The following NPAP1 variants were observed in gnomAD, a reference collection of about 807,000 sequenced individuals.
The protein encoded by NPAP1 is nuclear pore associated protein 1, also known as nuclear pore-associated protein 1.
For synonymous variants in NPAP1, 616 were observed against 581.4 expected, an observed-to-expected ratio of 1.06 and a Z score of -0.86; for missense variants, 1,483 against 1,454.5, an observed-to-expected ratio of 1.02 and a Z score of -0.32.
chr15:24,675,848 G>C lies in NPAP1; in HGVS notation c.-20G>C. ...CCACTGCTGACCCTGTTTTACGGTA[G>C]GAGGCACGGCTAGCTCTAAATGGGC... On this transcript the variant is annotated 5_prime_UTR_variant, in exon 1 of 1. Coordinates refer to ENST00000329468, the MANE Select transcript of NPAP1 (RefSeq NM_018958.3). 6.7e-7 allele frequency: 1 copy of C among 1,484,810 alleles called. No homozygotes were observed. Among genetic ancestry groups the C allele is most frequent in the East Asian group, 2.5e-5 (1 of 39,972 alleles). 92.0% of individuals were successfully genotyped at this position (1,484,810 alleles called of 1,614,324 possible). A position where few individuals can be genotyped will look rare whatever the true frequency, so the allele number is the denominator to read the frequency against.
rs2049000672 is a variant in NPAP1, at chr15:24,679,149, T to C, written c.3282T>C (p.Pro1094=). 1 of 1,614,084 alleles carries C rather than the reference T, an allele frequency of 6.2e-7. No homozygotes were observed. Among genetic ancestry groups the C allele is most frequent in the Non-Finnish European group, 8.5e-7 (1 of 1,180,046 alleles). The stretch of plus-strand genomic sequence containing the variant: ...CCTACATTCCTGGTTTAGACCCACC[T>C]ACCCAGAATTCATGCAGTGGTATGG... ...AAAYIPGLDP[P]TQNSCSGMGG... Residue 1094 remains proline, a synonymous_variant, in exon 1 of 1, where the codon CCT becomes CCC. Transcript: ENST00000329468.
Position 24,677,796 on chromosome 15 carries a change from C to T in NPAP1, c.1929C>T (p.Ala643=), listed in dbSNP as rs1344994835. ...PSFNQLFGKE[A]TPQPKFEAPD... ...TTAACCAACTCTTTGGAAAAGAAGC[C>T]ACCCCTCAGCCCAAATTTGAGGCTC... is the stretch of plus-strand genomic sequence containing the variant. The change falls in exon 1 of 1, where the codon GCC becomes GCT. Residue 643 remains alanine (A), a synonymous_variant. Transcript: ENST00000329468. 2 of 1,613,984 alleles carry T rather than the reference C, an allele frequency of 1.2e-6. No individual in the cohort carries two copies. Among genetic ancestry groups the T allele is most frequent in the Non-Finnish European group, 1.7e-6 (2 of 1,180,040 alleles).
rs2141311915 is a variant in NPAP1, at chr15:24,678,129, G to A, written c.2262G>A (p.Arg754=). 1 of 1,612,494 alleles carries A rather than the reference G, an allele frequency of 6.2e-7. No individual in the cohort carries two copies. Residue 754 remains arginine (R), a synonymous_variant, in exon 1 of 1, where the codon AGG becomes AGA. Coordinates refer to ENST00000329468, the MANE Select transcript of NPAP1 (RefSeq NM_018958.3). ...CCAGTTTGCCTGCACAGTCAGTCAGGGCACCAGCTACAGCTTCCAACCATC... is the reference window on the plus strand; with the variant it reads ...CCAGTTTGCCTGCACAGTCAGTCAGAGCACCAGCTACAGCTTCCAACCATC... ...GSTSLPAQSV[R]APATASNHPL...
chr15:24,679,595 G>T lies in NPAP1; in HGVS notation c.*257G>T. 1 of 491,666 alleles carries T rather than the reference G, an allele frequency of 2.0e-6. No homozygotes were observed. The highest frequency in any genetic ancestry group is 2.6e-5 in the South Asian group (1 of 38,268). 30.5% of individuals were successfully genotyped at this position (491,666 alleles called of 1,614,324 possible). The stretch of plus-strand genomic sequence containing the variant: ...AATGGCAACATATCTTTAATTAGAG[G>T]CCCTTGTGTATCCACCTACCAACAA... On this transcript the variant is annotated 3_prime_UTR_variant, in exon 1 of 1. Coordinates refer to ENST00000329468, the MANE Select transcript of NPAP1 (RefSeq NM_018958.3).
In NPAP1 at chr15:24,677,063, C is replaced by A. The variant is rs754053840; in HGVS notation, c.1196C>A (p.Pro399His). ...MTNSSITQPA[P>H]SFSQPVQTTD... is the part of the protein sequence containing the mutation. ...AACAGCAGCATCACCCAGCCTGCCC[C>A]TTCTTTCTCCCAACCTGTGCAGACC... Residue 399 changes from proline to histidine, a missense_variant, in exon 1 of 1, where the codon CCT becomes CAT. Physicochemically the swap from Pro to His is moderately conservative, Grantham distance 77. Coordinates refer to ENST00000329468, the MANE Select transcript of NPAP1 (RefSeq NM_018958.3). 6.2e-7 allele frequency: 1 copy of A among 1,614,066 alleles called. No homozygotes were observed. The highest frequency in any genetic ancestry group is 8.5e-7 in the Non-Finnish European group (1 of 1,180,024).
In NPAP1 at chr15:24,676,724, C is replaced by G. The variant is rs1370496022; in HGVS notation, c.857C>G (p.Pro286Arg). The change falls in exon 1 of 1, where the codon CCG (proline) becomes CGG (arginine). Residue 286 changes from proline to arginine, a missense_variant. Physicochemically the swap from Pro to Arg is moderately radical, Grantham distance 103. Coordinates refer to ENST00000329468, the MANE Select transcript of NPAP1 (RefSeq NM_018958.3). ...GCGGAAGTGCTGAATGAAGAGCCAC[C>G]GCCCAGCTCCCTAGGCTTGCCGATT... ...LAAEVLNEEPPPSSLGLPIPL... is the reference protein window; with the variant it reads ...LAAEVLNEEPRPSSLGLPIPL... 6.2e-7 allele frequency: 1 copy of G among 1,614,028 alleles called. No homozygotes were observed. Among genetic ancestry groups the G allele is most frequent in the Non-Finnish European group, 8.5e-7 (1 of 1,180,042 alleles).
the NPAP1 span, chr15:24,679,274 C>G: frequency 1.2e-6 from 2 of 1,614,034 alleles, no homozygotes. Context: ...TTCTACACTT[C>G]AAGCACCCAC....
rs776640672 is a variant in NPAP1, at chr15:24,677,359, C to A, written c.1492C>A (p.Pro498Thr). The A allele has an allele frequency of 6.2e-7, 1 of 1,613,996 alleles. No individual in the cohort carries two copies. The highest frequency in any genetic ancestry group is 1.1e-5 in the South Asian group (1 of 91,058). ...VGAAPLTSDP[P>T]TPPSSTPSFK... ...AGCAGCGCCTCTCACTTCTGACCCC[C>A]CAACACCTCCTAGCTCCACACCCTC... Residue 498 changes from proline to threonine, a missense_variant, in exon 1 of 1, where the codon CCA becomes ACA. Pro to Thr is a conservative substitution (Grantham distance 38). Transcript: ENST00000329468.
chr15:24,681,653 A>C lies in NPAP1; in HGVS notation c.*2315A>C, dbSNP rs919233579. The stretch of plus-strand genomic sequence containing the variant: ...AGCCAGGAAAAGAGTCCTCACAAGA[A>C]ACAGAATTTGTCTTTATCTTGGACT... On this transcript the variant is annotated 3_prime_UTR_variant, in exon 1 of 1. Coordinates refer to ENST00000329468, the MANE Select transcript of NPAP1 (RefSeq NM_018958.3). 4.8e-5 allele frequency: 8 copies of C among 167,086 alleles called. No individual in the cohort carries two copies. Among genetic ancestry groups the C allele is most frequent in the Non-Finnish European group, 1.2e-4 (8 of 68,124 alleles). The allele number at this position is 167,086 out of a possible 1,614,324, so 10.4% of individuals were successfully genotyped here.
rs2048992053 is a variant in NPAP1 at position 24,678,348 on chromosome 15, C to T, written c.2481C>T (p.Thr827=). 4 of 1,614,040 alleles carry T rather than the reference C, an allele frequency of 2.5e-6. No homozygotes were observed. The highest frequency in any genetic ancestry group is 2.5e-6 in the Non-Finnish European group (3 of 1,180,028). Residue 827 remains threonine, a synonymous_variant, in exon 1 of 1, where the codon ACC becomes ACT. Transcript: ENST00000329468. The part of the protein sequence containing the change: ...KPAIDTSDMN[T]TPPSKTVILQ... ...CCATTGACACCAGTGACATGAATAC[C>T]ACCCCTCCTTCCAAAACTGTCATCT...
rs201294900 is a variant in NPAP1 at position 24,677,937 on chromosome 15, A to C, written c.2070A>C (p.Ser690=). The C allele has an allele frequency of 6.2e-7, 1 of 1,613,006 alleles. No homozygotes were observed. The highest frequency in any genetic ancestry group is 2.2e-5 in the East Asian group (1 of 44,792). Residue 690 remains serine, a synonymous_variant, in exon 1 of 1, where the codon TCA becomes TCC. Coordinates refer to ENST00000329468, the MANE Select transcript of NPAP1 (RefSeq NM_018958.3). ...TGAACAGTGCCTCTACAGCATCATC[A>C]TCCAAACCTCCCATTGAAACCAATG... is the stretch of plus-strand genomic sequence containing the variant. ...TLVNSASTAS[S]SKPPIETNAM... is the part of the protein sequence containing the mutation.
In NPAP1 at chr15:24,679,487, G is replaced by T; in HGVS notation, c.*149G>T. ...GAACTCAGGTTGTGCACCAGGAGGGGACAACAACATCCCTGTGCTCCCTTT... is the reference window on the plus strand; with the variant it reads ...GAACTCAGGTTGTGCACCAGGAGGGTACAACAACATCCCTGTGCTCCCTTT... On this transcript the variant is annotated 3_prime_UTR_variant, in exon 1 of 1. Coordinates refer to ENST00000329468, the MANE Select transcript of NPAP1 (RefSeq NM_018958.3). 1.5e-6 allele frequency: 1 copy of T among 649,014 alleles called. No homozygotes were observed. The highest frequency in any genetic ancestry group is 2.7e-6 in the Non-Finnish European group (1 of 364,750). 40.2% of individuals were successfully genotyped at this position (649,014 alleles called of 1,614,324 possible).
chr15:24,678,501 G>A lies in NPAP1; in HGVS notation c.2634G>A (p.Gln878=), dbSNP rs2141312761. 6.2e-7 allele frequency: 1 copy of A among 1,614,210 alleles called. No homozygotes were observed. The highest frequency in any genetic ancestry group is 8.5e-7 in the Non-Finnish European group (1 of 1,180,046). The change falls in exon 1 of 1, where the codon CAG becomes CAA. Residue 878 remains glutamine (Q), a synonymous_variant. Transcript: ENST00000329468. ...AAGTCTCCACCAGTTTTCCTGCACA[G>A]GCAGATAGGAGACCAACCACAACTT... ...SAQVSTSFPA[Q]ADRRPTTTSS...
chr15:24,676,808 G>T lies in NPAP1; in HGVS notation c.941G>T (p.Ser314Ile). The stretch of plus-strand genomic sequence containing the variant: ...AAGCCTTTCTGTATTCCTCCAAGGA[G>T]CGCTGCTCCTCCCAGAGCTGCCCGC... ...DEKPFCIPPRSAAPPRAARNR... is the reference protein window; with the variant it reads ...DEKPFCIPPRIAAPPRAARNR... The change falls in exon 1 of 1, where the codon AGC becomes ATC. Residue 314 changes from serine to isoleucine, a missense_variant. Ser to Ile is a moderately radical substitution (Grantham distance 142, BLOSUM62 -2). Transcript: ENST00000329468. 1 of 1,613,168 alleles carries T rather than the reference G, an allele frequency of 6.2e-7. No individual in the cohort carries two copies. Among genetic ancestry groups the T allele is most frequent in the Non-Finnish European group, 8.5e-7 (1 of 1,180,002 alleles).
In NPAP1 at chr15:24,679,236, C is replaced by T. The variant is rs1419632228; in HGVS notation, c.3369C>T (p.Ile1123=). 6.2e-7 allele frequency: 1 copy of T among 1,613,998 alleles called. No homozygotes were observed. ...GTGTTCCTGCTTTTCAACAGTGCATCCTGCAGCACACATGGACAGAGAGAA... is the reference window on the plus strand; with the variant it reads ...GTGTTCCTGCTTTTCAACAGTGCATTCTGCAGCACACATGGACAGAGAGAA... ...GPCVPAFQQC[I]LQHTWTERKF... The change falls in exon 1 of 1, where the codon ATC becomes ATT. Residue 1123 remains isoleucine (I), a synonymous_variant. Coordinates refer to ENST00000329468, the MANE Select transcript of NPAP1 (RefSeq NM_018958.3).
chr15:24,677,078 C>G lies in NPAP1; in HGVS notation c.1211C>G (p.Pro404Arg), dbSNP rs1566755949. 1 of 1,614,106 alleles carries G rather than the reference C, an allele frequency of 6.2e-7. No homozygotes were observed. Among genetic ancestry groups the G allele is most frequent in the Non-Finnish European group, 8.5e-7 (1 of 1,180,026 alleles). ...CAGCCTGCCCCTTCTTTCTCCCAAC[C>G]TGTGCAGACCACAGACTCCCTGCCC... ...ITQPAPSFSQ[P>R]VQTTDSLPLT... Residue 404 changes from proline to arginine, a missense_variant, in exon 1 of 1, where the codon CCT (proline) becomes CGT (arginine). Coordinates refer to ENST00000329468, the MANE Select transcript of NPAP1 (RefSeq NM_018958.3).
In NPAP1 at chr15:24,676,721, C is replaced by T. The variant is rs376537526; in HGVS notation, c.854C>T (p.Pro285Leu). The T allele has an allele frequency of 1.2e-6, 2 of 1,614,104 alleles. No homozygotes were observed. The highest frequency in any genetic ancestry group is 8.5e-7 in the Non-Finnish European group (1 of 1,180,044). Residue 285 changes from proline to leucine, a missense_variant, in exon 1 of 1, where the codon CCA becomes CTA. Transcript: ENST00000329468. ...GCTGCGGAAGTGCTGAATGAAGAGC[C>T]ACCGCCCAGCTCCCTAGGCTTGCCG... ...KLAAEVLNEE[P>L]PPSSLGLPIP...
In NPAP1 at chr15:24,676,788, TTTC is replaced by T; in HGVS notation, c.923_925del (p.Phe308del). 1 of 1,613,500 alleles carries T rather than the reference TTTC, an allele frequency of 6.2e-7. No homozygotes were observed. Among genetic ancestry groups the T allele is most frequent in the Middle Eastern group, 1.6e-4 (1 of 6,062 alleles). ...GAAAGAGGATGCCTGATGAGAAGCC[TTTC>T]TGTATTCCTCCAAGGAGCGCTGCTC... On this transcript the variant is annotated inframe_deletion, in exon 1 of 1. Transcript: ENST00000329468.
At chr15:24,676,880 T>TG in the NPAP1 span, 1 of 1,613,510 alleles carries the variant, frequency 6.2e-7, no homozygotes, top group East Asian at 2.2e-5. Context: ...CTGCTGCCGC[T>TG]GCCCCCTTCA....
Sources: gnomAD v4.1 joint callset for allele counts on GRCh38, gnomAD v4.1.1 for gene constraint, MANE v1.5 for transcripts, NCBI Gene and HGNC (gene_info 2026-07-23, HGNC 2026-07-21) for gene names.